Variants in KIF13B observed in about 807,000 individuals in gnomAD.
The protein encoded by KIF13B is kinesin-like protein KIF13B.
Under a neutral mutation model 222.0 loss-of-function variants are expected in KIF13B, and 127 were observed. The ratio of observed to expected loss-of-function variants is 0.57; its 90% CI spans 0.50 to 0.66. The LOEUF (loss-of-function observed/expected upper bound fraction) is 0.66. Ranked by LOEUF, KIF13B falls within the 30% of genes least tolerant of loss-of-function variation. The probability of loss-of-function intolerance (pLI) is 0.00; values close to 1 mark genes in which losing one functional copy is unlikely to be tolerated. For missense variants in KIF13B, 2,173 were observed against 2,379.0 expected (o/e 0.91, Z 1.80); for synonymous variants, 976 against 919.0 (o/e 1.06, Z -1.12).
intron 2 of KIF13B, among the ~76,000 whole-genome samples, chr8:29,217,053 A>G (rs904833658): frequency 6.6e-6 from 1 of 152,208 alleles, no homozygotes; most frequent in Non-Finnish European, 1.5e-5. Context: ...GGAAGAACCG[A>G]AAGTAGTACT....
chr8:29,072,567 G>C (rs983238049), intron 38 of KIF13B, among the ~76,000 whole-genome samples: 2 of 152,174 alleles, frequency 1.3e-5, no homozygotes, highest in Non-Finnish European at 2.9e-5. Context: ...CCAGGCCCTG[G>C]TTCCCACACT....
chr8:29,120,902 G>A (rs1430444265), intron 29 of KIF13B, among the ~76,000 whole-genome samples: 13 of 44,766 alleles, frequency 2.9e-4, no homozygotes, highest in African/African-American at 1.2e-3. Flanking sequence ...TCTCATAGTG[G>A]TTTTGATTTG....
intron 21 of KIF13B, among the ~76,000 whole-genome samples, chr8:29,139,795 A>C (rs983893061): frequency 6.6e-6 from 1 of 152,116 alleles, no homozygotes; most frequent in African/African-American, 2.4e-5. Context: ...CTGTTCCTGC[A>C]GGGATTCTCA....
intron 10 of KIF13B, among the ~76,000 whole-genome samples, chr8:29,175,667 C>A (rs1332851708): frequency 6.6e-6 from 1 of 152,196 alleles, no homozygotes; most frequent in Non-Finnish European, 1.5e-5. Flanking sequence ...AAACAGAAAA[C>A]AAGCTCCAAA....
At chr8:29,094,440 G>C (rs1808431952) in intron 36 of KIF13B, among the ~76,000 whole-genome samples, 1 of 152,042 alleles carries the variant, frequency 6.6e-6, no homozygotes, top group South Asian at 2.1e-4. Context: ...CAACAATCTG[G>C]GAAAATTTAA....
At chr8:29,198,254 T>C (rs1166521887) in intron 2 of KIF13B, among the ~76,000 whole-genome samples, 1 of 152,216 alleles carries the variant, frequency 6.6e-6, no homozygotes, top group Non-Finnish European at 1.5e-5. Context: ...GAAACACTTA[T>C]ACACTGCTGG....
At chr8:29,155,897 A>C in intron 13 of KIF13B, 41 bp from the exon 14 acceptor site, 1 of 1,446,222 alleles carries the variant, frequency 6.9e-7, no homozygotes, top group Non-Finnish European at 9.5e-7. Flanking sequence ...CTGTATTCTT[A>C]CATATACACA....
chr8:29,258,411 C>T (rs17059860), intron 1 of KIF13B, among the ~76,000 whole-genome samples: 10,736 of 152,146 alleles, frequency 0.071, 480 homozygotes, highest in Admixed American at 0.1. Flanking sequence ...GCAATCTTTC[C>T]CCGTTGTGTT....
chr8:29,201,045 G>T (rs1227765285), intron 2 of KIF13B, among the ~76,000 whole-genome samples: 1 of 152,144 alleles, frequency 6.6e-6, no homozygotes, highest in Non-Finnish European at 1.5e-5. Context: ...ATCATGTGGG[G>T]GATAAACTTT....
chr8:29,239,852 G>A (rs901174608), intron 2 of KIF13B, among the ~76,000 whole-genome samples: 2 of 151,838 alleles, frequency 1.3e-5, no homozygotes, highest in South Asian at 2.1e-4. Flanking sequence ...TAGTAGAGAC[G>A]GGGTTTCACC....
chr8:29,157,392 CAAAA>C (rs371702237), intron 13 of KIF13B, among the ~76,000 whole-genome samples: 12 of 89,184 alleles, frequency 1.3e-4, no homozygotes, highest in African/African-American at 2.2e-4. Flanking sequence ...TCGTCTCTAC[CAAAA>C]AAAAAAAAAA....
intron 19 of KIF13B, 140 bp downstream of exon 19, chr8:29,142,017 G>T: frequency 1.8e-6 from 1 of 569,802 alleles, no homozygotes; most frequent in South Asian, 2.7e-5. Context: ...AAACAATTTA[G>T]GGGATTAAAA....
rs559896710 is a variant in KIF13B at position 29,148,489 on chromosome 8, A to G, written c.1813+88T>C. ...CACGGGCACAGTCTCAGCTCACTGC[A>G]GCCTGGAACTCCTGGGCTCAAGCGA... On this transcript the variant is annotated intron_variant, in intron 16 of 39. Coordinates refer to ENST00000524189, the MANE Select transcript of KIF13B (RefSeq NM_015254.4). 24 of 924,290 alleles carry G rather than the reference A, an allele frequency of 2.6e-5. No homozygotes were observed. In the South Asian group the frequency reaches 5.0e-4, roughly 19 times the overall value. 57.3% of individuals were successfully genotyped at this position (924,290 alleles called of 1,614,324 possible). A position where few individuals can be genotyped will look rare whatever the true frequency, so the allele number is the denominator to read the frequency against.
intron 2 of KIF13B, among the ~76,000 whole-genome samples, chr8:29,240,554 G>C (rs1815729120): frequency 6.6e-6 from 1 of 152,148 alleles, no homozygotes; most frequent in South Asian, 2.1e-4. Flanking sequence ...AGAACTTTTT[G>C]TATATTATGT....
chr8:29,070,712 TA>T lies in KIF13B; in HGVS notation c.5272del (p.Tyr1758ThrfsTer47), dbSNP rs1366517263. On this transcript the variant is annotated frameshift_variant, in exon 40 of 40. Transcript: ENST00000524189. LOFTEE classifies it high-confidence loss of function. The surrounding 1 kb of genome is among the most constrained non-coding windows in gnomAD (Gnocchi z 4.1). ...CCGGCTGGGCCTGACCAGCAGCCCG[TA>T]GCCAGGGTTACACCTGAAGTACTGC... is the stretch of plus-strand genomic sequence containing the variant. ...GKQYFRCNPG[Y>X]GLLVRPSRVR... The T allele has an allele frequency of 6.4e-7, 1 of 1,562,054 alleles. No homozygotes were observed. Among genetic ancestry groups the T allele is most frequent in the Non-Finnish European group, 8.7e-7 (1 of 1,153,846 alleles).
chr8:29,258,263 C>T (rs1249594288), intron 1 of KIF13B, among the ~76,000 whole-genome samples: 2 of 152,186 alleles, frequency 1.3e-5, no homozygotes, highest in Non-Finnish European at 1.5e-5. Flanking sequence ...CCTGTTGATT[C>T]ACAGCTGCTT....
intron 2 of KIF13B, among the ~76,000 whole-genome samples, chr8:29,240,272 T>C (rs576815712): frequency 4.0e-5 from 6 of 148,822 alleles, no homozygotes; most frequent in East Asian, 2.0e-4. Flanking sequence ...CTTACAGATA[T>C]GCTTAAAAAA....
intron 21 of KIF13B, among the ~76,000 whole-genome samples, chr8:29,136,795 GT>G (rs1203051867): frequency 0.013 from 1,518 of 116,840 alleles, 16 homozygotes; most frequent in African/African-American, 0.026. Flanking sequence ...CCTGTAACAG[GT>G]TTTTTTTTTT....
intron 2 of KIF13B, among the ~76,000 whole-genome samples, chr8:29,219,863 G>A (rs1282980773): frequency 6.6e-6 from 1 of 152,154 alleles, no homozygotes; most frequent in Non-Finnish European, 1.5e-5. Context: ...AGGAATTCAA[G>A]ACCAGCCTGG....
Sources: gnomAD v4.1 joint callset for allele counts (sites outside exome capture counted in the v4.1 genomes callset) on GRCh38, gnomAD v4.1.1 for gene constraint, Gnocchi (gnomAD v3.1) non-coding constraint, MANE v1.5 for transcripts, NCBI Gene and HGNC (gene_info 2026-07-23, HGNC 2026-07-21) for gene names.